TBC1D32: variants seen among roughly 807,000 people sequenced by gnomAD.
TBC1D32 encodes protein broad-minded.
In TBC1D32, 151 loss-of-function variants were observed where a neutral mutation model predicts 170.3. The ratio of observed to expected loss-of-function variants is 0.89; its 90% confidence interval spans 0.78 to 1.01. The LOEUF (loss-of-function observed/expected upper bound fraction) is 1.01, where lower values mean the gene tolerates loss of function less well. Ranked by LOEUF, TBC1D32 falls within the 50% of genes least tolerant of loss-of-function variation. TBC1D32 has a pLI of 0.00. For synonymous variants in TBC1D32, 498 were observed against 488.0 expected (o/e 1.02, Z -0.27); for missense variants, 1,464 against 1,457.1 (o/e 1.00, Z -0.08).
intron 9 of TBC1D32, among the ~76,000 whole-genome samples, chr6:121,300,538 T>G (rs1254766054): frequency 1.3e-5 from 2 of 152,016 alleles, no homozygotes; most frequent in African/African-American, 2.4e-5. Flanking sequence ...AAAACTTAAC[T>G]CAAGATGGAT....
intron 12 of TBC1D32, among the ~76,000 whole-genome samples, chr6:121,291,080 C>G (rs1443146276): frequency 3.3e-5 from 5 of 151,898 alleles, no homozygotes. Context: ...AGTTTACCAA[C>G]ATGGCACATG....
intron 17 of TBC1D32, among the ~76,000 whole-genome samples, chr6:121,251,435 G>A (rs562345056): frequency 1.3e-5 from 2 of 152,128 alleles, no homozygotes; most frequent in South Asian, 2.1e-4. Flanking sequence ...CAACAAACCT[G>A]ATAAAAACAA....
intron 24 of TBC1D32, among the ~76,000 whole-genome samples, chr6:121,147,640 G>A (rs1168081563): frequency 6.6e-6 from 1 of 151,872 alleles, no homozygotes; most frequent in African/African-American, 2.4e-5. Flanking sequence ...CACCCAGGCT[G>A]GAGTGCAGTG....
intron 17 of TBC1D32, among the ~76,000 whole-genome samples, chr6:121,251,747 C>CTA (rs1324836271): frequency 6.6e-6 from 1 of 152,088 alleles, no homozygotes; most frequent in Non-Finnish European, 1.5e-5. Flanking sequence ...GCAAAAGAAA[C>CTA]TATCATCAGA....
intron 31 of TBC1D32, among the ~76,000 whole-genome samples, chr6:121,081,694 T>C (rs1400585158): frequency 6.6e-6 from 1 of 151,990 alleles, no homozygotes; most frequent in African/African-American, 2.4e-5. Flanking sequence ...TATCATATAC[T>C]AGATACTGTG....
At chr6:121,273,584 T>C (rs902960989) in intron 15 of TBC1D32, among the ~76,000 whole-genome samples, 2 of 150,950 alleles carry the variant, frequency 1.3e-5, no homozygotes, top group East Asian at 2.0e-4. Flanking sequence ...CACATATACA[T>C]ATGTAAAAAA....
chr6:121,131,814 A>C (rs902270258), intron 24 of TBC1D32, 62 bp from the exon 25 acceptor site: 1 of 1,326,712 alleles, frequency 7.5e-7, no homozygotes, highest in Non-Finnish European at 1.0e-6. Context: ...AAAATTATTA[A>C]TGTTAACTAT....
At chr6:121,286,079 G>T (rs919630896) in intron 12 of TBC1D32, among the ~76,000 whole-genome samples, 1 of 152,162 alleles carries the variant, frequency 6.6e-6, no homozygotes, top group African/African-American at 2.4e-5. Context: ...AAATCAGAGC[G>T]CCTCTCCTCC....
chr6:121,129,826 A>G (rs906888985), intron 25 of TBC1D32: 6 of 419,324 alleles, frequency 1.4e-5, no homozygotes, highest in East Asian at 7.0e-5. Context: ...AGTAGATACT[A>G]TTGGTAATAA....
chr6:121,126,308 T>A (rs1780841175), intron 26 of TBC1D32, 70 bp downstream of exon 26: 1 of 1,171,994 alleles, frequency 8.5e-7, no homozygotes, highest in African/African-American at 1.5e-5. Context: ...TGTAATATCA[T>A]TACACATCTC....
intron 20 of TBC1D32, among the ~76,000 whole-genome samples, chr6:121,231,883 C>T (rs1486465013): frequency 1.3e-5 from 2 of 152,078 alleles, no homozygotes; most frequent in Non-Finnish European, 2.9e-5. Flanking sequence ...GTTTACTCTG[C>T]TGATTATTTC....
chr6:121,334,488 T>TGCGCAC (rs1334314298), upstream of TBC1D32: 73 of 1,539,762 alleles, frequency 4.7e-5, no homozygotes, highest in South Asian at 3.4e-4. Flanking sequence ...AGCCGCGCAC[T>TGCGCAC]GCGCACGCGC....
At position 121,317,607 on chromosome 6, in the gene TBC1D32, T is replaced by C. The variant is rs377267743; in HGVS notation, c.383A>G (p.Lys128Arg). ...ATTTCGTGTCTCATCTTCTTCAAAC[T>C]TGTTAATCATAGACTCGACCACAGC... ...MIAVVESMIN[K>R]FEEDETRNQE... The change falls in exon 3 of 32, where the codon AAG becomes AGG. Residue 128 changes from lysine (K) to arginine (R), a missense_variant. Physicochemically the swap from Lys to Arg is conservative, Grantham distance 26. Coordinates refer to ENST00000398212, the MANE Select transcript of TBC1D32 (RefSeq NM_152730.6). 3.7e-6 allele frequency: 6 copies of C among 1,612,632 alleles called. No individual in the cohort carries two copies. The highest frequency in any genetic ancestry group is 2.7e-5 in the African/African-American group (2 of 74,848).
chr6:121,175,009 G>A (rs1170408606), intron 22 of TBC1D32, among the ~76,000 whole-genome samples: 1 of 122,488 alleles, frequency 8.2e-6, no homozygotes, highest in East Asian at 2.5e-4. Context: ...TCTAGCCTGC[G>A]TGACAGACCT....
chr6:121,208,309 T>A (rs113445757), intron 21 of TBC1D32, among the ~76,000 whole-genome samples: 2,877 of 152,128 alleles, frequency 0.019, 104 homozygotes, highest in African/African-American at 0.066. Context: ...TCAACATGGC[T>A]GGGGAGACCT....
In TBC1D32 at chr6:121,303,599, T is replaced by C. The variant is rs763051554; in HGVS notation, c.1080+18A>G. 1.3e-6 allele frequency: 2 copies of C among 1,520,040 alleles called. No individual in the cohort carries two copies. Among genetic ancestry groups the C allele is most frequent in the Non-Finnish European group, 1.8e-6 (2 of 1,122,646 alleles). 94.2% of individuals were successfully genotyped at this position (1,520,040 alleles called of 1,614,324 possible). ...AGCAATGCACTAAAAGGTATAAAAATATTCTATTTTTCCTTACCATCCACT... is the reference window on the plus strand; with the variant it reads ...AGCAATGCACTAAAAGGTATAAAAACATTCTATTTTTCCTTACCATCCACT... On this transcript the variant is annotated intron_variant, in intron 9 of 31. Transcript: ENST00000398212.
At chr6:121,321,852 A>G in intron 1 of TBC1D32, 58 bp from the exon 2 acceptor site, 1 of 1,430,400 alleles carries the variant, frequency 7.0e-7, no homozygotes, top group Non-Finnish European at 9.4e-7. Context: ...TTCAGAAAAA[A>G]AAATCAACAC....
At chr6:121,112,774 T>C in intron 28 of TBC1D32, 115 bp from the exon 29 acceptor site, 1 of 977,876 alleles carries the variant, frequency 1.0e-6, no homozygotes, top group Non-Finnish European at 1.4e-6. Context: ...TATTCTGAAT[T>C]TATGAAACTT....
chr6:121,107,207 T>TA (rs1335025661), intron 29 of TBC1D32, among the ~76,000 whole-genome samples: 4 of 151,930 alleles, frequency 2.6e-5, no homozygotes, highest in Non-Finnish European at 4.4e-5. Context: ...ATTATATGAG[T>TA]TGAAATACAG....
Sources: gnomAD v4.1 joint callset for allele counts (sites outside exome capture counted in the v4.1 genomes callset) on GRCh38, gnomAD v4.1.1 for gene constraint, MANE v1.5 for transcripts, NCBI Gene and HGNC (gene_info 2026-07-23, HGNC 2026-07-21) for gene names.